DMRT1: variants seen among roughly 807,000 people sequenced by gnomAD.
The protein encoded by DMRT1 is doublesex and mab-3 related transcription factor 1.
In DMRT1, 7 loss-of-function variants were observed where a neutral mutation model predicts 32.3. The ratio of observed to expected loss-of-function variants is 0.22; its 90% CI spans 0.12 to 0.41. The LOEUF is 0.41. Ranked by LOEUF, DMRT1 falls within the 10% of genes least tolerant of loss-of-function variation. DMRT1 has a pLI of 1.00. For missense variants in DMRT1, 625 were observed against 500.5 expected, an observed-to-expected ratio of 1.25 and a Z score of -2.37; for synonymous variants, 278 against 206.1, an observed-to-expected ratio of 1.35 and a Z score of -2.99.
chr9:932,332 C>T (rs1018437748), intron 4 of DMRT1, among the ~76,000 whole-genome samples: 1 of 152,134 alleles, frequency 6.6e-6, no homozygotes, highest in Non-Finnish European at 1.5e-5. Flanking sequence ...AGAATTTGGG[C>T]CTCCACACGC....
At chr9:905,259 G>A (rs1244471721) in intron 3 of DMRT1, among the ~76,000 whole-genome samples, 1 of 152,224 alleles carries the variant, frequency 6.6e-6, no homozygotes, top group African/African-American at 2.4e-5. Context: ...GAGATGCACA[G>A]CCTCCTGGAA....
At chr9:894,969 C>T (rs1262695530) in intron 3 of DMRT1, 1 of 152,170 alleles carries the variant, frequency 6.6e-6, no homozygotes, top group Non-Finnish European at 1.5e-5. Flanking sequence ...CGCCTACCAC[C>T]CCACCCGGCT....
In DMRT1 at chr9:875,068, C is replaced by A. The variant is rs1816439927; in HGVS notation, c.539-18844C>A. On this transcript the variant is annotated intron_variant, in intron 2 of 4. Transcript: ENST00000382276. ...CTTGTGATCCACCCACCTCAGCCTCCCAAAGTGCTGGGATTACAGGCGTGA... is the reference window on the plus strand; with the variant it reads ...CTTGTGATCCACCCACCTCAGCCTCACAAAGTGCTGGGATTACAGGCGTGA... Among the ~76,000 whole-genome samples the A allele has an allele frequency of 1.3e-5, 2 of 151,870 alleles. 1 individual carries two copies. The highest frequency in any genetic ancestry group is 4.2e-4 in the South Asian group (2 of 4,810).
At chr9:877,795 A>G (rs1816565412) in intron 2 of DMRT1, among the ~76,000 whole-genome samples, 1 of 152,236 alleles carries the variant, frequency 6.6e-6, no homozygotes, top group Non-Finnish European at 1.5e-5. Flanking sequence ...CAGCTCCCAC[A>G]CAATGGAGAG....
intron 4 of DMRT1, among the ~76,000 whole-genome samples, chr9:943,247 A>C (rs1819135162): frequency 6.6e-6 from 1 of 152,220 alleles, no homozygotes; most frequent in African/African-American, 2.4e-5. Flanking sequence ...TCTGAGGATA[A>C]AACAGAGTAT....
intron 1 of DMRT1, among the ~76,000 whole-genome samples, chr9:844,004 T>C (rs1475056268): frequency 6.6e-6 from 1 of 152,192 alleles, no homozygotes; most frequent in Non-Finnish European, 1.5e-5. Flanking sequence ...TTAATGGACT[T>C]TTAAATTATA....
At chr9:875,586 A>T (rs1425334861) in intron 2 of DMRT1, among the ~76,000 whole-genome samples, 1 of 152,184 alleles carries the variant, frequency 6.6e-6, no homozygotes, top group Admixed American at 6.5e-5. Context: ...AAATGAAAAT[A>T]TATGGATGAT....
At chr9:925,171 G>A (rs981879752) in intron 4 of DMRT1, among the ~76,000 whole-genome samples, 6 of 152,096 alleles carry the variant, frequency 3.9e-5, no homozygotes, top group Non-Finnish European at 8.8e-5. Context: ...TCCTCCAGGT[G>A]CCTGGCATCG....
intron 2 of DMRT1, among the ~76,000 whole-genome samples, chr9:880,661 G>A (rs1044305736): frequency 2.0e-5 from 3 of 150,182 alleles, no homozygotes; most frequent in Non-Finnish European, 4.4e-5. Context: ...GGGAGGCAGA[G>A]GTTGCAGTGA....
intron 4 of DMRT1, among the ~76,000 whole-genome samples, chr9:939,990 G>A (rs938465720): frequency 6.6e-6 from 1 of 151,986 alleles, no homozygotes; most frequent in Non-Finnish European, 1.5e-5. Context: ...TCAGTGAAAC[G>A]CAAATCAAAC....
intron 4 of DMRT1, among the ~76,000 whole-genome samples, chr9:931,597 G>T (rs563160533): frequency 6.6e-6 from 1 of 152,156 alleles, no homozygotes; most frequent in South Asian, 2.1e-4. Flanking sequence ...GTTGCTTTCC[G>T]GTAAGGCTTC....
At chr9:904,155 T>C (rs1817686766) in intron 3 of DMRT1, among the ~76,000 whole-genome samples, 1 of 152,264 alleles carries the variant, frequency 6.6e-6, no homozygotes, top group Non-Finnish European at 1.5e-5. Flanking sequence ...TTGGGGATTC[T>C]GTAATTGGCT....
At chr9:948,816 G>A (rs1819333037) in intron 4 of DMRT1, among the ~76,000 whole-genome samples, 1 of 151,752 alleles carries the variant, frequency 6.6e-6, no homozygotes. Context: ...AGCACTTCGG[G>A]AGGCCAAAGT....
In DMRT1 at chr9:948,073, G is replaced by C. The variant is rs888308878; in HGVS notation, c.968-19912G>C. Among the ~76,000 whole-genome samples, 38 of 152,144 alleles carry C rather than the reference G, an allele frequency of 2.5e-4. 1 individual carries two copies. The highest frequency in any genetic ancestry group is 2.3e-3 in the Admixed American group (35 of 15,276). ...ATGGAAGGTCACATGAGGTGGAATT[G>C]GGTAATTACTTATCTACTCTGAAAA... On this transcript the variant is annotated intron_variant, in intron 4 of 4. Coordinates refer to ENST00000382276, the MANE Select transcript of DMRT1 (RefSeq NM_021951.3).
chr9:930,714 A>T (rs570093025), intron 4 of DMRT1, among the ~76,000 whole-genome samples: 94 of 152,128 alleles, frequency 6.2e-4, no homozygotes, highest in Non-Finnish European at 1.1e-3. Flanking sequence ...GGCCAATTTT[A>T]AAAAATTTTT....
At chr9:874,109 C>G (rs12343045) in intron 2 of DMRT1, among the ~76,000 whole-genome samples, 2,247 of 152,300 alleles carry the variant, frequency 0.015, 55 homozygotes, top group African/African-American at 0.052. Flanking sequence ...GCATGGTGCT[C>G]TCTCAGCTTT....
chr9:926,564 G>C (rs1818529624), intron 4 of DMRT1, among the ~76,000 whole-genome samples: 1 of 152,160 alleles, frequency 6.6e-6, no homozygotes. Context: ...TCTGTCAGCA[G>C]CTTATCATGA....
At chr9:949,368 G>GA (rs200356346) in intron 4 of DMRT1, among the ~76,000 whole-genome samples, 54 of 149,974 alleles carry the variant, frequency 3.6e-4, no homozygotes, top group East Asian at 5.9e-4. Context: ...CTCTCTCGGG[G>GA]AAAAAAAAAC....
At position 922,802 on chromosome 9, in the gene DMRT1, A is replaced by G. The variant is rs186078510; in HGVS notation, c.967+5895A>G. 5.9e-5 allele frequency among the ~76,000 whole-genome samples: 9 copies of G among 152,314 alleles called. No individual in the cohort carries two copies. In the East Asian group the frequency reaches 1.7e-3, roughly 29 times the overall value. On this transcript the variant is annotated intron_variant, in intron 4 of 4. Transcript: ENST00000382276. Reference sequence around the variant, plus strand: ...GAAACATTTAAGGTGGTGCTTACAGATCATGAAGTGTTCATGTATTACTCA... The same window carrying G: ...GAAACATTTAAGGTGGTGCTTACAGGTCATGAAGTGTTCATGTATTACTCA...
Sources: gnomAD v4.1 joint callset for allele counts (sites outside exome capture counted in the v4.1 genomes callset) on GRCh38, gnomAD v4.1.1 for gene constraint, MANE v1.5 for transcripts, NCBI Gene and HGNC (gene_info 2026-07-23, HGNC 2026-07-21) for gene names.